BCL9: variants seen among roughly 807,000 people sequenced by gnomAD.
BCL9 encodes B-cell CLL/lymphoma 9 protein.
Under a neutral mutation model 88.5 loss-of-function variants are expected in BCL9, and 25 were observed. That is an observed-to-expected ratio of 0.28 (90% CI 0.21 to 0.39). The LOEUF (loss-of-function observed/expected upper bound fraction) is 0.39. BCL9 is among the 10% of genes least tolerant of loss of function. The pLI is 1.00. For missense variants in BCL9, 1,817 were observed against 1,877.8 expected, an observed-to-expected ratio of 0.97 and a Z score of 0.60; for synonymous variants, 711 against 673.3, an observed-to-expected ratio of 1.06 and a Z score of -0.87.
At chr1:147,616,872 A>G (rs1553203947) in intron 7 of BCL9, among the ~76,000 whole-genome samples, 1 of 152,214 alleles carries the variant, frequency 6.6e-6, no homozygotes, top group East Asian at 1.9e-4. Context: ...CATTGCACCA[A>G]ATGCTATGGG....
chr1:147,599,495 C>A (rs1215737410), intron 1 of BCL9, among the ~76,000 whole-genome samples: 1 of 127,238 alleles, frequency 7.9e-6, no homozygotes, highest in African/African-American at 3.3e-5. Flanking sequence ...TGGCCCCCCG[C>A]CCCCCTCGGT....
At chr1:147,568,133 T>C (rs782035205) in intron 1 of BCL9, among the ~76,000 whole-genome samples, 7 of 152,234 alleles carry the variant, frequency 4.6e-5, no homozygotes, top group Non-Finnish European at 1.0e-4. Flanking sequence ...CTTTTGGAAA[T>C]GTCCAAGCTA....
intron 1 of BCL9, among the ~76,000 whole-genome samples, chr1:147,577,219 C>T (rs1312077411): frequency 1.3e-5 from 2 of 152,134 alleles, no homozygotes; most frequent in African/African-American, 2.4e-5. Flanking sequence ...TCCTCGTCAG[C>T]TTTTGATAGT....
At chr1:147,577,615 A>G (rs1656167488) in intron 1 of BCL9, among the ~76,000 whole-genome samples, 1 of 152,176 alleles carries the variant, frequency 6.6e-6, no homozygotes, top group Non-Finnish European at 1.5e-5. Context: ...CTTAGAAAAT[A>G]TAACCACTAG....
chr1:147,560,716 A>G (rs1655338318), intron 1 of BCL9, among the ~76,000 whole-genome samples: 1 of 152,168 alleles, frequency 6.6e-6, no homozygotes, highest in East Asian at 1.9e-4. Context: ...GTTTAAGACC[A>G]GCCCTGGCAA....
intron 1 of BCL9, among the ~76,000 whole-genome samples, chr1:147,552,975 A>AT (rs111605988): frequency 0.83 from 123,462 of 148,970 alleles, 51,163 homozygotes; most frequent in African/African-American, 0.9. Context: ...GGAATTTCCA[A>AT]TTTTTTTTTT....
rs1052953032 is a variant in BCL9, at chr1:147,565,283, G to A, written c.-478+23609G>A. ...TAAGCTCAAAGAGGCAAAATCACTC[G>A]CTCAAGCCCATGCAACTCTTCAATG... On this transcript the variant is annotated intron_variant, in intron 1 of 9. Transcript: ENST00000234739. Among the ~76,000 whole-genome samples, 11 of 152,198 alleles carry A rather than the reference G, an allele frequency of 7.2e-5. No homozygotes were observed. In the East Asian group the frequency reaches 1.5e-3, roughly 21 times the overall value.
intron 1 of BCL9, among the ~76,000 whole-genome samples, chr1:147,561,492 T>C (rs1401436822): frequency 7.2e-5 from 11 of 152,214 alleles, no homozygotes; most frequent in Middle Eastern, 3.2e-3. Context: ...ACCCTTCTCA[T>C]TCCCTCTTAT....
intron 1 of BCL9, among the ~76,000 whole-genome samples, chr1:147,572,703 CT>C (rs1655938673): frequency 6.6e-6 from 1 of 152,222 alleles, no homozygotes; most frequent in Non-Finnish European, 1.5e-5. Flanking sequence ...CCTCAGCCTC[CT>C]GAGTAGCTGG....
At chr1:147,593,883 C>G (rs1336756685) in intron 1 of BCL9, among the ~76,000 whole-genome samples, 1 of 152,082 alleles carries the variant, frequency 6.6e-6, no homozygotes, top group Non-Finnish European at 1.5e-5. Flanking sequence ...GTAAAATTTG[C>G]CTATCTAGGC....
At chr1:147,567,307 T>G (rs1655651776) in intron 1 of BCL9, among the ~76,000 whole-genome samples, 1 of 152,080 alleles carries the variant, frequency 6.6e-6, no homozygotes, top group Admixed American at 6.5e-5. Flanking sequence ...AGAAGAGAAT[T>G]TTTGGTTTGT....
At chr1:147,542,100 G>C in intron 1 of BCL9, among the ~76,000 whole-genome samples, 1 of 152,146 alleles carries the variant, frequency 6.6e-6, no homozygotes, top group East Asian at 1.9e-4. Flanking sequence ...CCAGGGCTCC[G>C]CCGAGTGACT....
At chr1:147,560,954 A>G (rs1204922908) in intron 1 of BCL9, among the ~76,000 whole-genome samples, 1 of 152,216 alleles carries the variant, frequency 6.6e-6, no homozygotes, top group African/African-American at 2.4e-5. Context: ...GGCAAAAGAC[A>G]GTGAGTGAGG....
At chr1:147,570,770 G>T (rs1408678170) in intron 1 of BCL9, among the ~76,000 whole-genome samples, 2 of 151,570 alleles carry the variant, frequency 1.3e-5, no homozygotes, top group East Asian at 3.9e-4. Flanking sequence ...CGAGTAGCTG[G>T]GATTACAGGC....
At chr1:147,618,210 A>G (rs1553204135) in intron 7 of BCL9, among the ~76,000 whole-genome samples, 2 of 152,042 alleles carry the variant, frequency 1.3e-5, no homozygotes, top group Non-Finnish European at 2.9e-5. Flanking sequence ...CCAAAAACGG[A>G]AACCAGAGAT....
chr1:147,560,488 C>T (rs1187306635), intron 1 of BCL9, among the ~76,000 whole-genome samples: 1 of 150,210 alleles, frequency 6.7e-6, no homozygotes, highest in African/African-American at 2.4e-5. Context: ...TACTCAGGGG[C>T]GGGATGGGGG....
At chr1:147,568,239 A>T (rs1291250781) in intron 1 of BCL9, among the ~76,000 whole-genome samples, 2 of 152,232 alleles carry the variant, frequency 1.3e-5, no homozygotes, top group East Asian at 3.9e-4. Context: ...TGGTCAGATC[A>T]TCTCCTAAGA....
chr1:147,562,424 C>A (rs1655421518), intron 1 of BCL9, among the ~76,000 whole-genome samples: 1 of 152,066 alleles, frequency 6.6e-6, no homozygotes. Context: ...ACTGGGGAGC[C>A]ATTAAACGTT....
At chr1:147,614,754 TC>T in intron 6 of BCL9, 138 bp downstream of exon 6, 1 of 935,902 alleles carries the variant, frequency 1.1e-6, no homozygotes, top group Non-Finnish European at 1.5e-6. Flanking sequence ...CAACCCAAAC[TC>T]CCCCAGAGGC....
Sources: allele counts gnomAD v4.1 joint callset (sites outside exome capture counted in the v4.1 genomes callset), GRCh38; gene constraint gnomAD v4.1.1; transcripts MANE v1.5; gene names NCBI Gene and HGNC (gene_info 2026-07-23, HGNC 2026-07-21).